MPZL3: variants seen among roughly 807,000 people sequenced by gnomAD.
MPZL3 encodes the protein myelin protein zero-like protein 3.
In MPZL3, 23 loss-of-function variants were observed where a neutral mutation model predicts 24.8. The ratio of observed to expected loss-of-function variants is 0.93; its 90% CI spans 0.67 to 1.31. MPZL3 has a LOEUF of 1.31. Ranked by LOEUF, MPZL3 falls within the 40% of genes most tolerant of loss-of-function variation. The pLI is 0.00. For synonymous variants in MPZL3, 99 were observed against 106.5 expected (o/e 0.93, Z 0.44); for missense variants, 277 against 294.9 (o/e 0.94, Z 0.44).
At chr11:118,233,360 T>G in intron 5 of MPZL3, 100 bp downstream of exon 5, 1 of 1,334,804 alleles carries the variant, frequency 7.5e-7, no homozygotes, top group South Asian at 1.2e-5. Flanking sequence ...TGGACCTACC[T>G]GCATATCCTC....
At position 118,229,614 on chromosome 11, in the gene MPZL3, A is replaced by G. The variant is rs1032808207; in HGVS notation, c.*280T>C. The G allele has an allele frequency of 6.0e-6, 2 of 331,568 alleles. No individual in the cohort carries two copies. Among genetic ancestry groups the G allele is most frequent in the Non-Finnish European group, 1.1e-5 (2 of 181,842 alleles). 20.5% of individuals were successfully genotyped at this position (331,568 alleles called of 1,614,324 possible). Reference sequence around the variant, plus strand: ...CCAGAGCAAAGATGAATCAAAAAGTATCTTTTTGCTCAGGAAAAGAATTTC... The same window carrying G: ...CCAGAGCAAAGATGAATCAAAAAGTGTCTTTTTGCTCAGGAAAAGAATTTC... On this transcript the variant is annotated 3_prime_UTR_variant, in exon 6 of 6. Transcript: ENST00000278949.
intron 4 of MPZL3, among the ~76,000 whole-genome samples, chr11:118,234,197 GATAA>G (rs1357664820): frequency 5.3e-5 from 8 of 152,176 alleles, no homozygotes; most frequent in Non-Finnish European, 1.0e-4. Flanking sequence ...GAGGTAAAAA[GATAA>G]ATAAAACTTG....
At chr11:118,246,994 GA>G (rs57780042) in intron 1 of MPZL3, among the ~76,000 whole-genome samples, 95,679 of 151,868 alleles carry the variant, frequency 0.63, 31,574 homozygotes, top group South Asian at 0.81. Context: ...GGTGTTACTA[GA>G]TCCTGGTAAG....
intron 1 of MPZL3, among the ~76,000 whole-genome samples, chr11:118,249,769 A>G (rs971349397): frequency 6.6e-6 from 1 of 152,140 alleles, no homozygotes; most frequent in Non-Finnish European, 1.5e-5. Context: ...ATACTTAGAT[A>G]ACTGATATAG....
At chr11:118,232,381 A>G (rs901799798) in intron 5 of MPZL3, among the ~76,000 whole-genome samples, 33 of 151,760 alleles carry the variant, frequency 2.2e-4, no homozygotes, top group South Asian at 1.9e-3. Context: ...CATATACTAT[A>G]TATTTTACTT....
chr11:118,247,057 AC>A (rs1272630753), intron 1 of MPZL3, among the ~76,000 whole-genome samples: 2 of 152,176 alleles, frequency 1.3e-5, no homozygotes, highest in African/African-American at 4.8e-5. Context: ...GGATACAGGT[AC>A]TACAGATCAT....
chr11:118,235,491 T>C lies in MPZL3; in HGVS notation c.550A>G (p.Lys184Glu). The C allele has an allele frequency of 6.2e-7, 1 of 1,613,804 alleles. No individual in the cohort carries two copies. The highest frequency in any genetic ancestry group is 1.7e-4 in the Middle Eastern group (1 of 6,058). ...CTCCTCTTCTTCAGCCCAGCAGCCT[T>C]CCTCCCCATTCTCACCAGCAGCAGA... ...VALLLVRMGR[K>E]AAGLKKRSRS... The change falls in exon 4 of 6, where the codon AAG (lysine) becomes GAG (glutamate). Residue 184 changes from lysine to glutamate, a missense_variant. Physicochemically the swap from Lys to Glu is moderately conservative, Grantham distance 56. Transcript: ENST00000278949.
At chr11:118,248,466 A>G (rs2134717696) in intron 1 of MPZL3, among the ~76,000 whole-genome samples, 1 of 152,048 alleles carries the variant, frequency 6.6e-6, no homozygotes, top group South Asian at 2.1e-4. Context: ...CTACCTACCA[A>G]TTTTTCCCTT....
chr11:118,227,756 C>T lies in MPZL3; in HGVS notation c.*2138G>A, dbSNP rs955288745. 3 of 152,212 alleles carry T rather than the reference C, an allele frequency of 2.0e-5. No individual in the cohort carries two copies. The highest frequency in any genetic ancestry group is 4.4e-5 in the Non-Finnish European group (3 of 68,024). The allele number at this position is 152,212 out of a possible 1,614,324, so 9.4% of individuals were successfully genotyped here. On this transcript the variant is annotated 3_prime_UTR_variant, in exon 6 of 6. Coordinates refer to ENST00000278949, the MANE Select transcript of MPZL3 (RefSeq NM_198275.3). ...CTACCCTGCATTAATCTTCACAACACACCTGCGAGGACATTACAAGAAGGC... is the reference window on the plus strand; with the variant it reads ...CTACCCTGCATTAATCTTCACAACATACCTGCGAGGACATTACAAGAAGGC...
intron 1 of MPZL3, among the ~76,000 whole-genome samples, chr11:118,248,291 G>A (rs1949578574): frequency 6.6e-6 from 1 of 151,992 alleles, no homozygotes; most frequent in Non-Finnish European, 1.5e-5. Context: ...TGGGATTACA[G>A]GCGTGAGCCA....
Position 118,237,080 on chromosome 11 carries a change from G to T in MPZL3, c.421C>A (p.Pro141Thr). The T allele has an allele frequency of 6.2e-7, 1 of 1,614,024 alleles. No homozygotes were observed. Among genetic ancestry groups the T allele is most frequent in the South Asian group, 1.1e-5 (1 of 91,082 alleles). ...TCTGTGACTGTTAGCTCTGTCATGG[G>T]AATATTATGATGCACATCTGGGGGA... Reference protein sequence around the residue: ...KNPPDVHHNIPMTELTVTERG... With the variant: ...KNPPDVHHNITMTELTVTERG... The change falls in exon 3 of 6, where the codon CCC becomes ACC. Residue 141 changes from proline (P) to threonine (T), a missense_variant. Pro to Thr is a conservative substitution (Grantham distance 38). Transcript: ENST00000278949.
chr11:118,243,861 C>A (rs56315433), intron 1 of MPZL3, among the ~76,000 whole-genome samples: 63,361 of 151,936 alleles, frequency 0.42, 15,087 homozygotes, highest in South Asian at 0.72. Context: ...AAACAAATAG[C>A]AATTTTAAAA....
chr11:118,235,289 A>T lies in MPZL3; in HGVS notation c.617+135T>A, dbSNP rs994027079. 15 of 1,112,974 alleles carry T rather than the reference A, an allele frequency of 1.3e-5. No homozygotes were observed. In the African/African-American group the frequency reaches 2.4e-4, roughly 17 times the overall value. 68.9% of individuals were successfully genotyped at this position (1,112,974 alleles called of 1,614,324 possible). The stretch of plus-strand genomic sequence containing the variant: ...CTTCCTTTTGGCGCCCCTTAGCAGA[A>T]CTATTCTCTTTGAAAAGAAAGTTCA... On this transcript the variant is annotated intron_variant, in intron 4 of 5. Transcript: ENST00000278949.
At chr11:118,231,317 C>T (rs1436502985) in intron 5 of MPZL3, among the ~76,000 whole-genome samples, 3 of 152,174 alleles carry the variant, frequency 2.0e-5, no homozygotes, top group African/African-American at 7.2e-5. Flanking sequence ...ACCAAAATCT[C>T]CTGGTTTTCT....
rs1949283987 is a variant in MPZL3, at chr11:118,227,387, A to G, written c.*2507T>C. 6.6e-6 allele frequency: 1 copy of G among 152,238 alleles called. No homozygotes were observed. Among genetic ancestry groups the G allele is most frequent in the East Asian group, 1.9e-4 (1 of 5,204 alleles). The allele number at this position is 152,238 out of a possible 1,614,324, so 9.4% of individuals were successfully genotyped here. A position where few individuals can be genotyped will look rare whatever the true frequency, so the allele number is the denominator to read the frequency against. Reference sequence around the variant, plus strand: ...GTTACTCAAACAAGAGGTGAAACAAATAAGTAAACAAAAAAAGACCACTTT... The same window carrying G: ...GTTACTCAAACAAGAGGTGAAACAAGTAAGTAAACAAAAAAAGACCACTTT... On this transcript the variant is annotated 3_prime_UTR_variant, in exon 6 of 6. Transcript: ENST00000278949.
In MPZL3 at chr11:118,235,537, C is replaced by A. The variant is rs758993881; in HGVS notation, c.504G>T (p.Val168=). The A allele has an allele frequency of 7.4e-6, 12 of 1,613,928 alleles. No homozygotes were observed. The South Asian group carries it at 1.3e-4, about 18-fold the overall frequency. ...GCAGAGCAACCACCACGGCTGAGGG[C>A]ACAAAGACAAGGATGGAAAGAAGGG... ...SVALLSILVF[V]PSAVVVALLL... The change falls in exon 4 of 6, where the codon GTG becomes GTT. Residue 168 remains valine (V), a synonymous_variant. Coordinates refer to ENST00000278949, the MANE Select transcript of MPZL3 (RefSeq NM_198275.3).
intron 1 of MPZL3, among the ~76,000 whole-genome samples, chr11:118,245,240 A>G (rs1398936482): frequency 6.6e-6 from 1 of 151,704 alleles, no homozygotes; most frequent in African/African-American, 2.4e-5. Context: ...CTCTACTAAA[A>G]ATGAAAAATT....
At chr11:118,246,111 C>A (rs1949553891) in intron 1 of MPZL3, among the ~76,000 whole-genome samples, 1 of 152,206 alleles carries the variant, frequency 6.6e-6, no homozygotes, top group African/African-American at 2.4e-5. Flanking sequence ...CTCCCCACAT[C>A]TCTGACAGTA....
At chr11:118,237,029 G>A in intron 3 of MPZL3, 21 bp downstream of exon 3, 2 of 1,605,370 alleles carry the variant, frequency 1.2e-6, no homozygotes, top group South Asian at 1.1e-5. Flanking sequence ...TGCAGAAGAA[G>A]GTTGGTGGCA....
Sources: allele counts gnomAD v4.1 joint callset (sites outside exome capture counted in the v4.1 genomes callset), GRCh38; gene constraint gnomAD v4.1.1; transcripts MANE v1.5; gene names NCBI Gene and HGNC (gene_info 2026-07-23, HGNC 2026-07-21).